HTR2B: variants seen among roughly 807,000 people sequenced by gnomAD.
The protein encoded by HTR2B is 5-HT 2B receptor.
Under a neutral mutation model 39.8 loss-of-function variants are expected in HTR2B, and 31 were observed. The observed-to-expected ratio is 0.78, with a 90% CI of 0.58 to 1.05. The LOEUF is 1.05. Ranked by LOEUF, HTR2B falls within the 50% of genes least tolerant of loss-of-function variation. HTR2B has a pLI of 0.00. For missense variants in HTR2B, 562 were observed against 578.0 expected, an observed-to-expected ratio of 0.97 and a Z score of 0.28; for synonymous variants, 210 against 207.1, an observed-to-expected ratio of 1.01 and a Z score of -0.12.
In HTR2B at chr2:231,123,684, GAT is replaced by G. The variant is rs1559240923; in HGVS notation, c.79_80del (p.Ile27LeufsTer3). 6.2e-7 allele frequency: 1 copy of G among 1,614,038 alleles called. No homozygotes were observed. Among genetic ancestry groups the G allele is most frequent in the Admixed American group, 1.7e-5 (1 of 60,020 alleles). On this transcript the variant is annotated frameshift_variant, in exon 2 of 4. Coordinates refer to ENST00000258400, the MANE Select transcript of HTR2B (RefSeq NM_000867.5). LOFTEE classifies it high-confidence loss of function. The stretch of plus-strand genomic sequence containing the variant: ...TCTGTAATCCAGACCAGTTAGAAGA[GAT>G]AACGTGAACAAAGGTGCTCTGCAAA... ...HILQSTFVHVISSNWSGLQTE... is the reference protein window; with the variant it reads ...HILQSTFVHVXSSNWSGLQTE...
rs765765181 is a variant in HTR2B, at chr2:231,123,815, T to A, written c.-51A>T. ...CGTTCCGAACAGTGGTCAGCATGGTTAGTAGCTAAGCTGCTCATCTGTTTT... is the reference window on the plus strand; with the variant it reads ...CGTTCCGAACAGTGGTCAGCATGGTAAGTAGCTAAGCTGCTCATCTGTTTT... On this transcript the variant is annotated 5_prime_UTR_variant, in exon 2 of 4. Transcript: ENST00000258400. The A allele has an allele frequency of 3.7e-6, 5 of 1,356,456 alleles. No homozygotes were observed. Among genetic ancestry groups the A allele is most frequent in the Non-Finnish European group, 5.3e-6 (5 of 946,014 alleles). The allele number at this position is 1,356,456 out of a possible 1,614,324, so 84.0% of individuals were successfully genotyped here. A position where few individuals can be genotyped will look rare whatever the true frequency, so the allele number is the denominator to read the frequency against.
chr2:231,118,579 G>GT, intron 2 of HTR2B, among the ~76,000 whole-genome samples: 1 of 152,186 alleles, frequency 6.6e-6, no homozygotes, highest in South Asian at 2.1e-4. Flanking sequence ...GTTGGTTTGG[G>GT]TATTTTTTTG....
intron 2 of HTR2B, 87 bp from the exon 3 acceptor site, chr2:231,114,016 CTT>C (rs1695249827): frequency 9.5e-7 from 1 of 1,047,876 alleles, no homozygotes; most frequent in Non-Finnish European, 1.5e-6. Context: ...CATCTTTTGT[CTT>C]TTTTGTTACT....
At position 231,108,488 on chromosome 2, in the gene HTR2B, A is replaced by G. The variant is rs368605804; in HGVS notation, c.*29T>C. ...CATCTCATTCATCATCTTACTCATC[A>G]TTATGTTTGATGACAACTGCCAGTT... On this transcript the variant is annotated 3_prime_UTR_variant, in exon 4 of 4. Transcript: ENST00000258400. 9 of 1,555,160 alleles carry G rather than the reference A, an allele frequency of 5.8e-6. No homozygotes were observed. Among genetic ancestry groups the G allele is most frequent in the Non-Finnish European group, 7.1e-6 (8 of 1,128,082 alleles).
chr2:231,113,534 G>A (rs536247393), intron 3 of HTR2B, among the ~76,000 whole-genome samples, 195 bp downstream of exon 3: 4 of 152,276 alleles, frequency 2.6e-5, no homozygotes, highest in African/African-American at 7.2e-5. Flanking sequence ...TTTGTTACTT[G>A]TCACACTTTT....
In HTR2B at chr2:231,123,635, T is replaced by C; in HGVS notation, c.130A>G (p.Lys44Glu). The change falls in exon 2 of 4, where the codon AAA becomes GAA. Residue 44 changes from lysine (K) to glutamate (E), a missense_variant. Coordinates refer to ENST00000258400, the MANE Select transcript of HTR2B (RefSeq NM_000867.5). ...LQTESIPEEM[K>E]QIVEEQGNKL... is the part of the protein sequence containing the mutation. ...TTTCCCTGTTCCTCAACAATCTGTT[T>C]CATTTCCTCTGGTATTGATTCTGTC... The C allele has an allele frequency of 6.2e-7, 1 of 1,614,142 alleles. No individual in the cohort carries two copies. Among genetic ancestry groups the C allele is most frequent in the African/African-American group, 1.3e-5 (1 of 75,066 alleles).
chr2:231,121,968 G>C (rs1240218684), intron 2 of HTR2B, among the ~76,000 whole-genome samples: 1 of 134,352 alleles, frequency 7.4e-6, no homozygotes, highest in Non-Finnish European at 1.7e-5. Context: ...TCATATGCCT[G>C]TACAGTATTT....
In HTR2B at chr2:231,113,961, A is replaced by C. The variant is rs111470094; in HGVS notation, c.353-32T>G. On this transcript the variant is annotated intron_variant, in intron 2 of 3. Coordinates refer to ENST00000258400, the MANE Select transcript of HTR2B (RefSeq NM_000867.5). The stretch of plus-strand genomic sequence containing the variant: ...GAAACAAAAACAAGACAAACATTTT[A>C]TTCTATAAAATGGCAACTTTCAGTC... 4.3e-3 allele frequency: 6,848 copies of C among 1,579,440 alleles called. 263 individuals carry two copies. In the African/African-American group the frequency reaches 0.079, roughly 18 times the overall value.
At chr2:231,114,648 CTTAA>C (rs554290166) in intron 2 of HTR2B, among the ~76,000 whole-genome samples, 132 of 152,208 alleles carry the variant, frequency 8.7e-4, no homozygotes, top group African/African-American at 3.0e-3. Flanking sequence ...AGACGTAGTA[CTTAA>C]TTTATTTAAC....
chr2:231,110,417 G>A (rs971627074), intron 3 of HTR2B, among the ~76,000 whole-genome samples: 1 of 152,190 alleles, frequency 6.6e-6, no homozygotes, highest in Non-Finnish European at 1.5e-5. Context: ...ATGTTTCTTA[G>A]TGAAGTAGCT....
In HTR2B at chr2:231,125,010, A is replaced by C. The variant is rs564443154; in HGVS notation, c.-405T>G. 5 of 152,172 alleles carry C rather than the reference A, an allele frequency of 3.3e-5. No individual in the cohort carries two copies. Among genetic ancestry groups the C allele is most frequent in the African/African-American group, 1.2e-4 (5 of 41,526 alleles). The allele number at this position is 152,172 out of a possible 1,614,324, so 9.4% of individuals were successfully genotyped here. On this transcript the variant is annotated 5_prime_UTR_variant, in exon 1 of 4. Transcript: ENST00000258400. Reference sequence around the variant, plus strand: ...GTTATTTTGCTGAGCATGTCATCTTATCTGTTCACTAGACTTGCTTGCTGC... The same window carrying C: ...GTTATTTTGCTGAGCATGTCATCTTCTCTGTTCACTAGACTTGCTTGCTGC...
intron 1 of HTR2B, among the ~76,000 whole-genome samples, chr2:231,124,433 G>A (rs1695666714): frequency 6.6e-6 from 1 of 151,836 alleles, no homozygotes; most frequent in Admixed American, 6.6e-5. Flanking sequence ...TTTAGTATGC[G>A]CTGGCCACCC....
chr2:231,117,165 A>C (rs1695371101), intron 2 of HTR2B, among the ~76,000 whole-genome samples: 1 of 152,078 alleles, frequency 6.6e-6, no homozygotes, highest in Non-Finnish European at 1.5e-5. Flanking sequence ...AGAATAACTA[A>C]ATTAAAGGTT....
intron 2 of HTR2B, among the ~76,000 whole-genome samples, chr2:231,120,214 A>G (rs935175786): frequency 2.0e-5 from 3 of 152,162 alleles, no homozygotes; most frequent in African/African-American, 7.2e-5. Flanking sequence ...AGCCTCCTAA[A>G]GTGCTGGGGT....
At chr2:231,117,955 T>G (rs1695400653) in intron 2 of HTR2B, among the ~76,000 whole-genome samples, 1 of 152,152 alleles carries the variant, frequency 6.6e-6, no homozygotes, top group African/African-American at 2.4e-5. Flanking sequence ...TATGACAGTT[T>G]TGGCTGGTCA....
chr2:231,109,539 A>G, intron 3 of HTR2B, 130 bp from the exon 4 acceptor site: 1 of 773,860 alleles, frequency 1.3e-6, no homozygotes, highest in Non-Finnish European at 2.1e-6. Context: ...CCCACAATGC[A>G]GGATTTGTCG....
intron 2 of HTR2B, 60 bp downstream of exon 2, chr2:231,123,353 T>C (rs1695611091): frequency 3.4e-6 from 4 of 1,192,956 alleles, no homozygotes; most frequent in Non-Finnish European, 5.0e-6. Flanking sequence ...TGAGTGTCCA[T>C]TCTCTAATAG....
In HTR2B at chr2:231,109,184, G is replaced by A. The variant is rs1476153315; in HGVS notation, c.779C>T (p.Thr260Ile). The change falls in exon 4 of 4, where the codon ACA becomes ATA. Residue 260 changes from threonine to isoleucine, a missense_variant. By Grantham distance (89) the Thr-to-Ile change is moderately conservative. Transcript: ENST00000258400. ...GAAAACTGTAGACACAGTCAACCATGTTAGGCGTTGAGGTGGCTTGTTTTT... is the reference window on the plus strand; with the variant it reads ...GAAAACTGTAGACACAGTCAACCATATTAGGCGTTGAGGTGGCTTGTTTTT... ...LVKNKPPQRL[T>I]WLTVSTVFQR... The A allele has an allele frequency of 1.2e-6, 2 of 1,614,196 alleles. No individual in the cohort carries two copies. The highest frequency in any genetic ancestry group is 1.7e-6 in the Non-Finnish European group (2 of 1,180,030).
chr2:231,119,527 G>C (rs1038719204), intron 2 of HTR2B, among the ~76,000 whole-genome samples: 4 of 152,088 alleles, frequency 2.6e-5, no homozygotes, highest in African/African-American at 9.7e-5. Context: ...TACTCTTTCA[G>C]CTATACCACG....
Sources: gnomAD v4.1 joint callset for allele counts (sites outside exome capture counted in the v4.1 genomes callset) on GRCh38, gnomAD v4.1.1 for gene constraint, MANE v1.5 for transcripts, NCBI Gene and HGNC (gene_info 2026-07-23, HGNC 2026-07-21) for gene names.